Variants in ZNF804B observed in about 807,000 individuals in gnomAD.
ZNF804B encodes the protein zinc finger 804B.
ZNF804B carries 80 observed loss-of-function variants against 101.4 expected under a neutral mutation model. The observed-to-expected ratio is 0.79, with a 90% CI of 0.66 to 0.95. The LOEUF (loss-of-function observed/expected upper bound fraction) is 0.95, where lower values mean the gene tolerates loss of function less well. Ranked by LOEUF, ZNF804B falls within the 40% of genes least tolerant of loss-of-function variation. ZNF804B has a pLI of 0.00. For missense variants in ZNF804B, 1,673 were observed against 1,561.9 expected (o/e 1.07, Z -1.20); for synonymous variants, 622 against 558.8 (o/e 1.11, Z -1.59).
chr7:89,048,318 C>T lies in ZNF804B; in HGVS notation c.109-169837C>T, dbSNP rs181233261. Among the ~76,000 whole-genome samples the T allele has an allele frequency of 9.0e-4, 136 of 151,858 alleles. 2 individuals carry two copies. The highest frequency in any genetic ancestry group is 3.0e-3 in the African/African-American group (122 of 41,272). On this transcript the variant is annotated intron_variant, in intron 1 of 3. Coordinates refer to ENST00000333190, the MANE Select transcript of ZNF804B (RefSeq NM_181646.5). ...GAGATTATTATTCTAAGTGAAGTAA[C>T]GAAGGAATGAAGTCTTTTTTAAAAG... is the stretch of plus-strand genomic sequence containing the variant.
intron 1 of ZNF804B, among the ~76,000 whole-genome samples, chr7:88,996,996 G>A (rs1218798027): frequency 6.6e-6 from 1 of 152,096 alleles, no homozygotes; most frequent in Non-Finnish European, 1.5e-5. Flanking sequence ...ATGTGTGTGT[G>A]TATAAACTGG....
chr7:89,297,303 C>T lies in ZNF804B; in HGVS notation c.250-30041C>T, dbSNP rs1419022475. Among the ~76,000 whole-genome samples the T allele has an allele frequency of 2.0e-5, 3 of 151,894 alleles. No individual in the cohort carries two copies. In the East Asian group the frequency reaches 5.8e-4, roughly 29 times the overall value. On this transcript the variant is annotated intron_variant, in intron 2 of 3. Transcript: ENST00000333190. ...TGATGAAATGTTTTCTCTTTAGGGT[C>T]TAAAAGTTATTACCAGAGGCAACTG...
intron 1 of ZNF804B, among the ~76,000 whole-genome samples, chr7:89,127,396 A>G (rs1481002750): frequency 6.6e-6 from 1 of 151,864 alleles, no homozygotes; most frequent in Non-Finnish European, 1.5e-5. Flanking sequence ...GTGTTGTCCA[A>G]GGCAGAGTTA....
intron 1 of ZNF804B, chr7:88,794,712 C>G: frequency 1.2e-6 from 2 of 1,613,594 alleles, no homozygotes; most frequent in Non-Finnish European, 1.7e-6. Context: ...GGTGATGTTT[C>G]AAAACTGACT....
intron 1 of ZNF804B, among the ~76,000 whole-genome samples, chr7:89,110,615 T>C (rs575300953): frequency 1.3e-5 from 2 of 152,222 alleles, no homozygotes; most frequent in Non-Finnish European, 2.9e-5. Flanking sequence ...GGGTTCTATA[T>C]GCTTTCTTAA....
intron 1 of ZNF804B, among the ~76,000 whole-genome samples, chr7:89,079,266 T>C (rs964570631): frequency 1.3e-5 from 2 of 151,976 alleles, no homozygotes; most frequent in African/African-American, 4.8e-5. Context: ...TATTACATGG[T>C]CATTTTTTTT....
chr7:89,111,869 C>T (rs996442581), intron 1 of ZNF804B, among the ~76,000 whole-genome samples: 1 of 151,902 alleles, frequency 6.6e-6, no homozygotes, highest in Non-Finnish European at 1.5e-5. Context: ...TTTGGGAGAT[C>T]AAGGTGGGCA....
At position 89,168,682 on chromosome 7, in the gene ZNF804B, C is replaced by CTTTTTT. The variant is rs372503661; in HGVS notation, c.109-49455_109-49450dup. Among the ~76,000 whole-genome samples the CTTTTTT allele has an allele frequency of 7.8e-5, 9 of 115,740 alleles. 1 individual carries two copies. Among genetic ancestry groups the CTTTTTT allele is most frequent in the Non-Finnish European group, 8.8e-5 (5 of 56,922 alleles). 75.9% of individuals were successfully genotyped at this position (115,740 alleles called of 152,430 possible). On this transcript the variant is annotated intron_variant, in intron 1 of 3. Transcript: ENST00000333190. ...GAATCCCTTGTAGTAGAGCTGAATA[C>CTTTTTT]TTTTTTTTTTTTTTTTTTTTTTTGC... is the stretch of plus-strand genomic sequence containing the variant.
At chr7:89,250,966 A>T (rs1789530551) in intron 2 of ZNF804B, among the ~76,000 whole-genome samples, 1 of 152,202 alleles carries the variant, frequency 6.6e-6, no homozygotes, top group Admixed American at 6.5e-5. Flanking sequence ...CATCTATGAC[A>T]AACCCATAGC....
At chr7:88,842,121 C>A (rs907948789) in intron 1 of ZNF804B, among the ~76,000 whole-genome samples, 1 of 152,142 alleles carries the variant, frequency 6.6e-6, no homozygotes, top group African/African-American at 2.4e-5. Flanking sequence ...CTAAATCCAT[C>A]TCAGTTTTTA....
intron 1 of ZNF804B, among the ~76,000 whole-genome samples, chr7:88,789,229 A>T (rs1790344872): frequency 6.6e-6 from 1 of 152,068 alleles, no homozygotes; most frequent in South Asian, 2.1e-4. Flanking sequence ...CTAATATAAA[A>T]TTTTTCTCAG....
intron 1 of ZNF804B, among the ~76,000 whole-genome samples, chr7:89,198,342 A>G (rs73206536): frequency 6.6e-6 from 1 of 151,968 alleles, no homozygotes; most frequent in Non-Finnish European, 1.5e-5. Context: ...ATTTATAGTA[A>G]ATGCATAAAG....
At chr7:89,136,447 T>C (rs1269287623) in intron 1 of ZNF804B, among the ~76,000 whole-genome samples, 1 of 152,150 alleles carries the variant, frequency 6.6e-6, no homozygotes, top group Non-Finnish European at 1.5e-5. Context: ...TGTGCATTTA[T>C]CACTACTCTC....
chr7:89,007,923 A>G, intron 1 of ZNF804B, among the ~76,000 whole-genome samples: 1 of 152,146 alleles, frequency 6.6e-6, no homozygotes, highest in South Asian at 2.1e-4. Context: ...ATAAAATGTC[A>G]GTTTTCTAGA....
intron 2 of ZNF804B, among the ~76,000 whole-genome samples, chr7:89,298,208 G>A: frequency 2.8e-5 from 2 of 70,182 alleles, no homozygotes; most frequent in African/African-American, 1.5e-4. Context: ...TATAGTGTGT[G>A]TGTGTGTGTA....
At chr7:89,327,509 T>C in intron 3 of ZNF804B, 35 bp downstream of exon 3, 1 of 1,590,850 alleles carries the variant, frequency 6.3e-7, no homozygotes, top group Admixed American at 1.8e-5. Context: ...GCTTCAAAAC[T>C]CTCGTCAACC....
chr7:89,163,666 C>CCA (rs1791100722), intron 1 of ZNF804B, among the ~76,000 whole-genome samples: 1 of 149,786 alleles, frequency 6.7e-6, no homozygotes, highest in African/African-American at 2.5e-5. Flanking sequence ...TCACTTTTAG[C>CCA]AAAAAAAAAT....
At chr7:88,893,456 C>A (rs1182740501) in intron 1 of ZNF804B, among the ~76,000 whole-genome samples, 2 of 151,258 alleles carry the variant, frequency 1.3e-5, no homozygotes, top group African/African-American at 2.4e-5. Flanking sequence ...AAATACATAC[C>A]CTGCCTGTCT....
At chr7:88,771,474 A>G (rs1790061367) in intron 1 of ZNF804B, among the ~76,000 whole-genome samples, 1 of 152,138 alleles carries the variant, frequency 6.6e-6, no homozygotes, top group African/African-American at 2.4e-5. Context: ...TTAATATTAA[A>G]AGGAATTTTA....
Sources: allele counts gnomAD v4.1 joint callset (sites outside exome capture counted in the v4.1 genomes callset), GRCh38; gene constraint gnomAD v4.1.1; transcripts MANE v1.5; gene names NCBI Gene and HGNC (gene_info 2026-07-23, HGNC 2026-07-21).